The following ADGRB3 variants were observed in gnomAD, a reference collection of about 807,000 sequenced individuals.
The protein encoded by ADGRB3 is adhesion G protein-coupled receptor B3, also known as brain-specific angiogenesis inhibitor 3.
Under a neutral mutation model 193.4 loss-of-function variants are expected in ADGRB3, and 37 were observed. The observed-to-expected ratio is 0.19, with a 90% CI of 0.15 to 0.25. ADGRB3 has a LOEUF of 0.25. Among genes scored for constraint, ADGRB3 ranks in the 10% least tolerant of loss-of-function variants. ADGRB3 has a pLI of 1.00. For synonymous variants in ADGRB3, 690 were observed against 644.2 expected (o/e 1.07, Z -1.08); for missense variants, 1,637 against 1,852.9 (o/e 0.88, Z 2.14).
At chr6:69,297,363 TCTCTTTC>T (rs1561980386) in intron 20 of ADGRB3, among the ~76,000 whole-genome samples, 196 of 122,096 alleles carry the variant, frequency 1.6e-3, no homozygotes, top group African/African-American at 6.8e-3. Context: ...TCTCTCTCTC[TCTCTTTC>T]TCTCTCTCTC....
intron 17 of ADGRB3, among the ~76,000 whole-genome samples, chr6:69,209,362 A>G (rs574234755): frequency 4.2e-4 from 64 of 152,310 alleles, no homozygotes; most frequent in African/African-American, 1.5e-3. Context: ...CCTTCACCTT[A>G]GAAGGAATAT....
At chr6:68,678,403 C>T (rs1193389138) in intron 3 of ADGRB3, among the ~76,000 whole-genome samples, 1 of 152,212 alleles carries the variant, frequency 6.6e-6, no homozygotes, top group African/African-American at 2.4e-5. Context: ...CCTGAGGAGG[C>T]ATAGCCTTCT....
At chr6:69,201,513 A>G (rs1186043373) in intron 17 of ADGRB3, among the ~76,000 whole-genome samples, 1 of 150,144 alleles carries the variant, frequency 6.7e-6, no homozygotes, top group Non-Finnish European at 1.5e-5. Flanking sequence ...TTGTTTCCTA[A>G]CTCCTAAAAG....
chr6:69,243,590 A>G (rs1243470869), intron 20 of ADGRB3, among the ~76,000 whole-genome samples: 1 of 152,050 alleles, frequency 6.6e-6, no homozygotes, highest in Admixed American at 6.6e-5. Context: ...TAGCCAATAC[A>G]CATATCTTCA....
At chr6:69,323,960 G>A (rs73471339) in intron 20 of ADGRB3, among the ~76,000 whole-genome samples, 25,783 of 151,768 alleles carry the variant, frequency 0.17, 2,621 homozygotes, top group African/African-American at 0.28. Context: ...GCCATTTTCC[G>A]TTTTTAAAAA....
chr6:68,897,315 G>A (rs1766245097), intron 3 of ADGRB3, among the ~76,000 whole-genome samples: 1 of 151,094 alleles, frequency 6.6e-6, no homozygotes, highest in Non-Finnish European at 1.5e-5. Flanking sequence ...AGCCATGACA[G>A]CGCCACTTGT....
chr6:68,843,604 A>G (rs1037370573), intron 3 of ADGRB3, among the ~76,000 whole-genome samples: 3 of 152,128 alleles, frequency 2.0e-5, no homozygotes, highest in African/African-American at 7.2e-5. Flanking sequence ...TTCCAAAGCA[A>G]TCTATAGATT....
intron 17 of ADGRB3, among the ~76,000 whole-genome samples, chr6:69,144,872 G>A (rs376119297): frequency 2.0e-5 from 1 of 50,768 alleles, no homozygotes; most frequent in Non-Finnish European, 4.7e-5. Flanking sequence ...TAGTTTGTTT[G>A]AGTGTTCTTT....
chr6:68,652,519 C>A (rs1768390207), intron 3 of ADGRB3, among the ~76,000 whole-genome samples: 1 of 152,104 alleles, frequency 6.6e-6, no homozygotes, highest in African/African-American at 2.4e-5. Flanking sequence ...ACCTCTTCCA[C>A]CCTGGGCTCC....
chr6:68,988,665 T>C (rs1769147043), intron 10 of ADGRB3, among the ~76,000 whole-genome samples: 2 of 152,136 alleles, frequency 1.3e-5, no homozygotes, highest in African/African-American at 2.4e-5. Flanking sequence ...GAAAAAGCTA[T>C]TGGAGTGTTA....
intron 17 of ADGRB3, among the ~76,000 whole-genome samples, chr6:69,197,269 A>G (rs963358205): frequency 1.3e-5 from 2 of 152,092 alleles, no homozygotes; most frequent in South Asian, 4.1e-4. Flanking sequence ...AAGAACAAAA[A>G]TACTTTAACT....
At chr6:68,715,811 G>A (rs1037348683) in intron 3 of ADGRB3, among the ~76,000 whole-genome samples, 1 of 151,676 alleles carries the variant, frequency 6.6e-6, no homozygotes, top group Non-Finnish European at 1.5e-5. Flanking sequence ...ACTCACAATG[G>A]TATAATAAAA....
intron 3 of ADGRB3, among the ~76,000 whole-genome samples, chr6:68,925,239 A>G (rs1035948205): frequency 6.6e-6 from 1 of 151,942 alleles, no homozygotes. Context: ...AACTCTTACA[A>G]ATTAGAAAGA....
intron 30 of ADGRB3, among the ~76,000 whole-genome samples, chr6:69,378,637 G>A (rs1258868708): frequency 2.0e-5 from 3 of 152,018 alleles, no homozygotes; most frequent in Non-Finnish European, 4.4e-5. Context: ...TGCAACGTAA[G>A]TCTGATTACT....
chr6:69,108,306 A>G (rs934967772), intron 17 of ADGRB3, among the ~76,000 whole-genome samples: 1 of 152,120 alleles, frequency 6.6e-6, no homozygotes, highest in Non-Finnish European at 1.5e-5. Flanking sequence ...AACATGGTAC[A>G]GGCAAATGTG....
chr6:69,312,456 A>C lies in ADGRB3; in HGVS notation c.2815-12416A>C, dbSNP rs866869878. 2.0e-4 allele frequency among the ~76,000 whole-genome samples: 30 copies of C among 151,878 alleles called. 1 individual carries two copies. The highest frequency in any genetic ancestry group is 7.0e-4 in the African/African-American group (29 of 41,502). On this transcript the variant is annotated intron_variant, in intron 20 of 31. Coordinates refer to ENST00000370598, the MANE Select transcript of ADGRB3 (RefSeq NM_001704.3). ...AATATAAGCACAGATGGAATCAACC[A>C]ATCTCAGGGTTGATTGGTACTTTTT...
At chr6:68,744,278 C>G (rs2127343533) in intron 3 of ADGRB3, among the ~76,000 whole-genome samples, 1 of 152,158 alleles carries the variant, frequency 6.6e-6, no homozygotes, top group South Asian at 2.1e-4. Context: ...GAATGCTTTA[C>G]ACTGTTGATG....
At chr6:69,378,941 A>G (rs1769890506) in intron 30 of ADGRB3, among the ~76,000 whole-genome samples, 1 of 152,010 alleles carries the variant, frequency 6.6e-6, no homozygotes, top group Non-Finnish European at 1.5e-5. Context: ...AAGGATTGCA[A>G]TGACTAATTC....
At chr6:69,008,005 GA>G (rs1769816229) in intron 11 of ADGRB3, among the ~76,000 whole-genome samples, 1 of 152,086 alleles carries the variant, frequency 6.6e-6, no homozygotes, top group Non-Finnish European at 1.5e-5. Context: ...GTGGAAAACA[GA>G]AGGGTGTGTT....
Sources: gnomAD v4.1 joint callset for allele counts (sites outside exome capture counted in the v4.1 genomes callset) on GRCh38, gnomAD v4.1.1 for gene constraint, MANE v1.5 for transcripts, NCBI Gene and HGNC (gene_info 2026-07-23, HGNC 2026-07-21) for gene names.